ECH1: variants seen among roughly 807,000 people sequenced by gnomAD.
The protein encoded by ECH1 is delta(3,5)-Delta(2,4)-dienoyl-CoA isomerase, mitochondrial.
A neutral mutation model predicts 37.0 loss-of-function variants in ECH1; 30 were observed. The ratio of observed to expected loss-of-function variants is 0.81; its 90% CI spans 0.61 to 1.10. The LOEUF (loss-of-function observed/expected upper bound fraction) is 1.10. ECH1 is among the 50% of genes least tolerant of loss of function. The pLI is 0.00. For missense variants in ECH1, 456 were observed against 441.6 expected (o/e 1.03, Z -0.29); for synonymous variants, 178 against 176.0 (o/e 1.01, Z -0.09).
At chr19:38,825,693 C>T (rs1277291675) in intron 3 of ECH1, among the ~76,000 whole-genome samples, 2 of 152,322 alleles carry the variant, frequency 1.3e-5, no homozygotes, top group South Asian at 2.1e-4. Flanking sequence ...TCAGAGAGGA[C>T]AGATAGTAGA....
intron 3 of ECH1, among the ~76,000 whole-genome samples, chr19:38,818,932 T>TGCGCGCGTGCGCAC (rs1555721678): frequency 3.5e-5 from 5 of 142,752 alleles, no homozygotes. Flanking sequence ...TGTGTGTGTG[T>TGCGCGCGTGCGCAC]GCACTGTTCC....
intron 3 of ECH1, among the ~76,000 whole-genome samples, chr19:38,818,695 C>T (rs1304453972): frequency 6.6e-6 from 1 of 152,120 alleles, no homozygotes; most frequent in African/African-American, 2.4e-5. Context: ...GCCATGTTGG[C>T]CAGGCTAGTC....
intron 3 of ECH1, among the ~76,000 whole-genome samples, chr19:38,824,506 G>A (rs1395184984): frequency 6.6e-6 from 1 of 152,112 alleles, no homozygotes; most frequent in Non-Finnish European, 1.5e-5. Context: ...GGACCAATTT[G>A]ACCCATAAAC....
At chr19:38,818,782 G>A (rs942137692) in intron 3 of ECH1, among the ~76,000 whole-genome samples, 5 of 152,170 alleles carry the variant, frequency 3.3e-5, no homozygotes, top group Admixed American at 6.5e-5. Context: ...CACCGTGCCC[G>A]GCCCAGACCC....
intron 9 of ECH1, 54 bp from the exon 10 acceptor site, chr19:38,815,771 C>A: frequency 6.2e-7 from 1 of 1,613,696 alleles, no homozygotes; most frequent in South Asian, 1.1e-5. Flanking sequence ...AGGGGCCAAT[C>A]AGGATAAAGC....
At chr19:38,829,154 G>A (rs563163558) in intron 3 of ECH1, among the ~76,000 whole-genome samples, 8 of 151,290 alleles carry the variant, frequency 5.3e-5, no homozygotes, top group South Asian at 2.1e-4. Context: ...GCGTGGTGCC[G>A]GGTGCCTGTA....
Sources: gnomAD v4.1 joint callset for allele counts (sites outside exome capture counted in the v4.1 genomes callset) on GRCh38, gnomAD v4.1.1 for gene constraint, MANE v1.5 for transcripts, NCBI Gene and HGNC (gene_info 2026-07-23, HGNC 2026-07-21) for gene names.